The following LDB2 variants were observed in gnomAD, a reference collection of about 807,000 sequenced individuals.
The protein encoded by LDB2 is LIM domain binding 2.
A neutral mutation model predicts 44.3 loss-of-function variants in LDB2; 12 were observed. The ratio of observed to expected loss-of-function variants is 0.27; its 90% CI spans 0.17 to 0.44. LDB2 has a LOEUF of 0.44. Among genes scored for constraint, LDB2 ranks in the 20% least tolerant of loss-of-function variants. The pLI is 1.00. For synonymous variants in LDB2, 164 were observed against 174.8 expected (o/e 0.94, Z 0.49); for missense variants, 344 against 473.5 (o/e 0.73, Z 2.54).
intron 3 of LDB2, among the ~76,000 whole-genome samples, chr4:16,591,450 A>G (rs139584514): frequency 6.6e-6 from 1 of 152,238 alleles, no homozygotes; most frequent in Admixed American, 6.5e-5. Context: ...CAAGGGTTTA[A>G]CTGGGGTATA....
rs1467444337 is a variant in LDB2, at chr4:16,821,389, T to TA, written c.133-62130_133-62129insT. 2.0e-3 allele frequency among the ~76,000 whole-genome samples: 161 copies of TA among 79,926 alleles called. 2 individuals carry two copies. Among genetic ancestry groups the TA allele is most frequent in the Admixed American group, 4.2e-3 (33 of 7,874 alleles). The allele number at this position is 79,926 out of a possible 152,430, so 52.4% of individuals were successfully genotyped here. A position where few individuals can be genotyped will look rare whatever the true frequency, so the allele number is the denominator to read the frequency against. ...TGGAATATTTGAATTTTTTTTTTAT[T>TA]TTTTTTTTTTTGGAGACGGAGTCTC... On this transcript the variant is annotated intron_variant, in intron 1 of 7. Transcript: ENST00000304523.
At chr4:16,610,839 C>G (rs776875217) in intron 2 of LDB2, among the ~76,000 whole-genome samples, 2 of 152,034 alleles carry the variant, frequency 1.3e-5, no homozygotes, top group Non-Finnish European at 2.9e-5. Context: ...GATAGGCCAA[C>G]GTGCAAATTC....
chr4:16,821,746 C>CAAAAAAAAAAAAAAAAAAAAAAAAAA (rs562184189), intron 1 of LDB2, among the ~76,000 whole-genome samples: 7 of 61,752 alleles, frequency 1.1e-4, no homozygotes, highest in Non-Finnish European at 1.7e-4. Flanking sequence ...AACATTAAAG[C>CAAAAAAAAAAAAAAAAAAAAAAAAAA]AAAAAAAAAA....
chr4:16,768,075 A>G (rs1265515129), intron 1 of LDB2, among the ~76,000 whole-genome samples: 1 of 152,194 alleles, frequency 6.6e-6, no homozygotes, highest in African/African-American at 2.4e-5. Flanking sequence ...TTGCCAGAGT[A>G]ATTATTTTTC....
chr4:16,638,419 A>T (rs775797590), intron 2 of LDB2, among the ~76,000 whole-genome samples: 1 of 152,174 alleles, frequency 6.6e-6, no homozygotes, highest in Non-Finnish European at 1.5e-5. Context: ...TGAACGTACG[A>T]ATAGAGCTTA....
At chr4:16,868,623 T>G (rs1715469203) in intron 1 of LDB2, among the ~76,000 whole-genome samples, 1 of 152,158 alleles carries the variant, frequency 6.6e-6, no homozygotes. Context: ...TCTCCTCCTC[T>G]TTCACCCACA....
intron 1 of LDB2, among the ~76,000 whole-genome samples, chr4:16,872,353 A>G (rs1292467877): frequency 6.6e-6 from 1 of 151,954 alleles, no homozygotes; most frequent in Non-Finnish European, 1.5e-5. Flanking sequence ...CTTCACCACA[A>G]ATGAATACCT....
chr4:16,564,857 A>G (rs1743916310), intron 5 of LDB2, among the ~76,000 whole-genome samples: 1 of 152,146 alleles, frequency 6.6e-6, no homozygotes, highest in Admixed American at 6.5e-5. Context: ...TGCCATCCAA[A>G]TTGCTTTGGA....
rs76544525 is a variant in LDB2, at chr4:16,731,834, C to T, written c.235+27324G>A. Among the ~76,000 whole-genome samples, 91 of 152,230 alleles carry T rather than the reference C, an allele frequency of 6.0e-4. 2 individuals are homozygous for T. The East Asian group carries it at 0.012, about 20-fold the overall frequency. ...TGGTAACATTTGGTGAGAATTTTTT[C>T]GCTCATCTAGGTCTATGTGCTTCCC... On this transcript the variant is annotated intron_variant, in intron 2 of 7. Coordinates refer to ENST00000304523, the MANE Select transcript of LDB2 (RefSeq NM_001290.5).
In LDB2 at chr4:16,501,949, C is replaced by T. The variant is rs1717627970; in HGVS notation, c.*694G>A. The stretch of plus-strand genomic sequence containing the variant: ...TTAAGGGTCCAATTGTCTTTCTTTA[C>T]TTAAAAATCTGCCCTGGTGTCTTTG... On this transcript the variant is annotated 3_prime_UTR_variant, in exon 8 of 8. Coordinates refer to ENST00000304523, the MANE Select transcript of LDB2 (RefSeq NM_001290.5). 6.6e-6 allele frequency: 1 copy of T among 152,552 alleles called. No homozygotes were observed. The highest frequency in any genetic ancestry group is 1.9e-4 in the East Asian group (1 of 5,190). The allele number at this position is 152,552 out of a possible 1,614,324, so 9.4% of individuals were successfully genotyped here. A position where few individuals can be genotyped will look rare whatever the true frequency, so the allele number is the denominator to read the frequency against.
At chr4:16,752,711 A>G (rs551359892) in intron 2 of LDB2, among the ~76,000 whole-genome samples, 1 of 152,304 alleles carries the variant, frequency 6.6e-6, no homozygotes, top group African/African-American at 2.4e-5. Flanking sequence ...AAATGTTGGC[A>G]TTATTGTTAC....
chr4:16,761,801 T>C (rs1397382231), intron 1 of LDB2, among the ~76,000 whole-genome samples: 1 of 152,066 alleles, frequency 6.6e-6, no homozygotes, highest in African/African-American at 2.4e-5. Context: ...ATCTTTAATA[T>C]CATATCTAGG....
intron 2 of LDB2, among the ~76,000 whole-genome samples, chr4:16,651,941 A>G (rs143131563): frequency 2.0e-5 from 3 of 152,248 alleles, no homozygotes; most frequent in African/African-American, 7.2e-5. Context: ...ATTCTATAAA[A>G]CTAGGACTTT....
chr4:16,685,023 G>C (rs1025363927), intron 2 of LDB2, among the ~76,000 whole-genome samples: 11 of 152,176 alleles, frequency 7.2e-5, no homozygotes, highest in Non-Finnish European at 1.5e-4. Flanking sequence ...TCCTAAATTA[G>C]AGATGAAATG....
intron 5 of LDB2, among the ~76,000 whole-genome samples, chr4:16,580,174 G>A (rs1713796919): frequency 6.6e-6 from 1 of 152,162 alleles, no homozygotes; most frequent in Admixed American, 6.5e-5. Context: ...AACTGTAGGT[G>A]GTTCGTGTGG....
chr4:16,603,119 A>G (rs1192755369), intron 2 of LDB2, among the ~76,000 whole-genome samples: 2 of 152,210 alleles, frequency 1.3e-5, no homozygotes, highest in East Asian at 3.9e-4. Context: ...TCATGGTGAC[A>G]AAACTCTTTC....
intron 1 of LDB2, among the ~76,000 whole-genome samples, chr4:16,812,659 G>GTGTGTGTT (rs1357470107): frequency 2.0e-5 from 3 of 147,316 alleles, no homozygotes; most frequent in Non-Finnish European, 4.5e-5. Flanking sequence ...GTGTGTGTGT[G>GTGTGTGTT]TGTGTATTTA....
chr4:16,881,098 C>T (rs1719965042), intron 1 of LDB2, among the ~76,000 whole-genome samples: 1 of 152,120 alleles, frequency 6.6e-6, no homozygotes, highest in East Asian at 1.9e-4. Flanking sequence ...AATGAGAAGG[C>T]TTTGAATGCG....
intron 2 of LDB2, among the ~76,000 whole-genome samples, chr4:16,663,370 G>A (rs1427050512): frequency 2.0e-5 from 3 of 152,112 alleles, no homozygotes; most frequent in African/African-American, 7.2e-5. Flanking sequence ...GCTATTAATT[G>A]GGACGTAACT....
Sources: gnomAD v4.1 joint callset for allele counts (sites outside exome capture counted in the v4.1 genomes callset) on GRCh38, gnomAD v4.1.1 for gene constraint, MANE v1.5 for transcripts, NCBI Gene and HGNC (gene_info 2026-07-23, HGNC 2026-07-21) for gene names.